The following AP2A2 variants were observed in gnomAD, a reference collection of about 807,000 sequenced individuals.
The protein encoded by AP2A2 is adaptor related protein complex 2 subunit alpha 2.
A neutral mutation model predicts 104.2 loss-of-function variants in AP2A2; 32 were observed. The ratio of observed to expected loss-of-function variants is 0.31; its 90% CI spans 0.23 to 0.41. AP2A2 has a LOEUF of 0.41. AP2A2 is among the 10% of genes least tolerant of loss of function. The probability of loss-of-function intolerance (pLI) is 1.00; values close to 1 mark genes in which losing one functional copy is unlikely to be tolerated. For missense variants in AP2A2, 912 were observed against 1,261.0 expected, an observed-to-expected ratio of 0.72 and a Z score of 4.19; for synonymous variants, 539 against 533.3, an observed-to-expected ratio of 1.01 and a Z score of -0.15.
chr11:979,503 C>G (rs968228373), intron 5 of AP2A2, among the ~76,000 whole-genome samples: 2 of 152,084 alleles, frequency 1.3e-5, no homozygotes, highest in African/African-American at 4.8e-5. Context: ...TAGGTGCACC[C>G]CAGCCTGGCT....
intron 1 of AP2A2, among the ~76,000 whole-genome samples, chr11:931,899 G>A (rs1389312800): frequency 3.3e-5 from 5 of 151,470 alleles, no homozygotes; most frequent in Admixed American, 3.3e-4. Flanking sequence ...TGCCTCCTGG[G>A]TCCAAGTGAT....
intron 4 of AP2A2, among the ~76,000 whole-genome samples, chr11:974,285 G>C (rs1854939123): frequency 6.6e-6 from 1 of 151,664 alleles, no homozygotes; most frequent in Non-Finnish European, 1.5e-5. Context: ...AAGGTCACAG[G>C]CAGGGTTCTC....
intron 2 of AP2A2, among the ~76,000 whole-genome samples, chr11:959,931 C>T (rs979596725): frequency 3.9e-5 from 6 of 152,232 alleles, no homozygotes; most frequent in Non-Finnish European, 7.3e-5. Context: ...CTTCCCTGAA[C>T]ATCCTTACTT....
Position 1,001,820 on chromosome 11 carries a change from A to G in AP2A2, c.2123+1222A>G, listed in dbSNP as rs745439694. The stretch of plus-strand genomic sequence containing the variant: ...CATACGGCTGTGCTGGGAGCTGCAC[A>G]TGGCCCTTGTGCACGCCTCACATTG... On this transcript the variant is annotated intron_variant, in intron 15 of 21. Coordinates refer to ENST00000448903, the MANE Select transcript of AP2A2 (RefSeq NM_012305.4). Among the ~76,000 whole-genome samples, 10 of 152,254 alleles carry G rather than the reference A, an allele frequency of 6.6e-5. No individual in the cohort carries two copies. In the East Asian group the frequency reaches 1.7e-3, roughly 27 times the overall value.
chr11:976,893 G>C (rs573394585), intron 4 of AP2A2, among the ~76,000 whole-genome samples: 1 of 152,336 alleles, frequency 6.6e-6, no homozygotes, highest in East Asian at 1.9e-4. Context: ...AAGGTTGGCA[G>C]GGAGACCTTT....
At chr11:988,898 G>A in intron 10 of AP2A2, 1 of 638,990 alleles carries the variant, frequency 1.6e-6, no homozygotes, top group Admixed American at 2.9e-5. Context: ...CTGAGGTGGA[G>A]GCGGGAGGAT....
At chr11:964,431 TG>T (rs1200622191) in intron 2 of AP2A2, among the ~76,000 whole-genome samples, 2 of 152,078 alleles carry the variant, frequency 1.3e-5, no homozygotes, top group Non-Finnish European at 2.9e-5. Flanking sequence ...TGGCATATTC[TG>T]GGGTGGGCAG....
rs1481412372 is a variant in AP2A2, at chr11:985,554, G to A, written c.934G>A (p.Ala312Thr). 1 of 1,613,944 alleles carries A rather than the reference G, an allele frequency of 6.2e-7. No homozygotes were observed. Among genetic ancestry groups the A allele is most frequent in the Admixed American group, 1.7e-5 (1 of 60,006 alleles). ...SNAKNAVLFE[A>T]ISLIIHHDSE... ...CGCGAAGAATGCCGTGCTCTTCGAGGCCATCAGCTTAATCATTCACCATGA... is the reference window on the plus strand; with the variant it reads ...CGCGAAGAATGCCGTGCTCTTCGAGACCATCAGCTTAATCATTCACCATGA... The change falls in exon 8 of 22, where the codon GCC (alanine) becomes ACC (threonine). Residue 312 changes from alanine (A) to threonine (T), a missense_variant. Transcript: ENST00000448903.
At position 981,245 on chromosome 11, in the gene AP2A2, G is replaced by T; in HGVS notation, c.651G>T (p.Lys217Asn). Residue 217 changes from lysine to asparagine, a missense_variant, in exon 6 of 22, where the codon AAG becomes AAT. Around this residue, in one of 7 missense-constraint regions of AP2A2, gnomAD observed 350 missense variants for 487.0 expected, o/e 0.72. Coordinates refer to ENST00000448903, the MANE Select transcript of AP2A2 (RefSeq NM_012305.4). ...ATSLITTLAQ[K>N]NPEEFKTSVS... ...GTCTGATCACCACTTTAGCACAGAA[G>T]AACCCAGAAGAGTTTAAAACCTCCG... 1 of 1,613,706 alleles carries T rather than the reference G, an allele frequency of 6.2e-7. No homozygotes were observed. Among genetic ancestry groups the T allele is most frequent in the Non-Finnish European group, 8.5e-7 (1 of 1,179,782 alleles).
chr11:973,609 C>CA (rs1402544942), intron 4 of AP2A2, among the ~76,000 whole-genome samples: 1 of 151,766 alleles, frequency 6.6e-6, no homozygotes, highest in African/African-American at 2.4e-5. Context: ...TCATAGGTGG[C>CA]AGAGCATGTG....
At position 927,956 on chromosome 11, in the gene AP2A2, G is replaced by A. The variant is rs1853172495; in HGVS notation, c.67+1868G>A. Among the ~76,000 whole-genome samples, 3 of 152,014 alleles carry A rather than the reference G, an allele frequency of 2.0e-5. No individual in the cohort carries two copies. The South Asian group carries it at 6.2e-4, about 31-fold the overall frequency. On this transcript the variant is annotated intron_variant, in intron 1 of 21. Coordinates refer to ENST00000448903, the MANE Select transcript of AP2A2 (RefSeq NM_012305.4). ...ACTAAGTGTGTGTATTATTTCTTAA[G>A]GGGACCTCTGGGACAAAGACTGAGT...
chr11:1,006,449 G>T, intron 16 of AP2A2, 79 bp from the exon 17 acceptor site: 3 of 971,076 alleles, frequency 3.1e-6, no homozygotes, highest in Non-Finnish European at 4.8e-6. Flanking sequence ...AGATTGTGGG[G>T]GGCTCTTGTT....
At chr11:1,004,084 T>C (rs959477530) in intron 16 of AP2A2, among the ~76,000 whole-genome samples, 5 of 151,908 alleles carry the variant, frequency 3.3e-5, no homozygotes, top group Non-Finnish European at 7.4e-5. Context: ...ACAGGAATGC[T>C]CAATAAGCAC....
rs542360220 is a variant in AP2A2, at chr11:964,641, C to G, written c.136+5136C>G. 2.6e-5 allele frequency among the ~76,000 whole-genome samples: 4 copies of G among 152,268 alleles called. No homozygotes were observed. In the South Asian group the frequency reaches 8.3e-4, roughly 32 times the overall value. Reference sequence around the variant, plus strand: ...TGCTACATGGTCAATGCCACAGTCTCACTTTTCCTATTTTTTTTTAATAAA... The same window carrying G: ...TGCTACATGGTCAATGCCACAGTCTGACTTTTCCTATTTTTTTTTAATAAA... On this transcript the variant is annotated intron_variant, in intron 2 of 21. Coordinates refer to ENST00000448903, the MANE Select transcript of AP2A2 (RefSeq NM_012305.4).
rs558375021 is a variant in AP2A2 at position 1,008,681 on chromosome 11, GA to G, written c.2421-418del. 7.8e-5 allele frequency: 18 copies of G among 230,188 alleles called. No individual in the cohort carries two copies. In the South Asian group the frequency reaches 1.8e-3, roughly 23 times the overall value. The allele number at this position is 230,188 out of a possible 1,614,324, so 14.3% of individuals were successfully genotyped here. On this transcript the variant is annotated intron_variant, in intron 18 of 21. Transcript: ENST00000448903. Reference sequence around the variant, plus strand: ...GGGTGTCTGCAAGGTTAGGAATGTTGAGAAAAGCACACTTTCTAACATTAAA... The same window carrying G: ...GGGTGTCTGCAAGGTTAGGAATGTTGGAAAAGCACACTTTCTAACATTAAA...
In AP2A2 at chr11:933,425, G is replaced by A. The variant is rs1336830706; in HGVS notation, c.67+7337G>A. 6 of 427,716 alleles carry A rather than the reference G, an allele frequency of 1.4e-5. No individual in the cohort carries two copies. In the Admixed American group the frequency reaches 1.5e-4, roughly 11 times the overall value. The allele number at this position is 427,716 out of a possible 1,614,324, so 26.5% of individuals were successfully genotyped here. On this transcript the variant is annotated intron_variant, in intron 1 of 21. Coordinates refer to ENST00000448903, the MANE Select transcript of AP2A2 (RefSeq NM_012305.4). Reference sequence around the variant, plus strand: ...GCTTGAAAGCTGAGCTGGTTGAAACGTCTTGAAAAGCAGTATGTGCAGTTT... The same window carrying A: ...GCTTGAAAGCTGAGCTGGTTGAAACATCTTGAAAAGCAGTATGTGCAGTTT...
Position 984,731 on chromosome 11 carries a change from G to A in AP2A2, c.792G>A (p.Leu264=). 6.2e-7 allele frequency: 1 copy of A among 1,612,306 alleles called. No individual in the cohort carries two copies. Among genetic ancestry groups the A allele is most frequent in the African/African-American group, 1.3e-5 (1 of 75,042 alleles). The stretch of plus-strand genomic sequence containing the variant: ...GGCTGTCTGTCAAACTGCTGAGACT[G>A]CTGCAGTGCTACCCACCCCCAGGTA... ...APWLSVKLLR[L]LQCYPPPDPA... is the part of the protein sequence containing the mutation. The change falls in exon 7 of 22, where the codon CTG becomes CTA. Residue 264 remains leucine, a synonymous_variant. Coordinates refer to ENST00000448903, the MANE Select transcript of AP2A2 (RefSeq NM_012305.4).
Position 972,226 on chromosome 11 carries a change from C to G in AP2A2, c.444C>G (p.Ala148=). ...GCCGGGAGATGGCCGAGGCCTTCGC[C>G]GGGGAGATCCCTAAGGTCCTCGTAG... ...VGSREMAEAF[A]GEIPKVLVAG... The change falls in exon 4 of 22, where the codon GCC becomes GCG. Residue 148 remains alanine (A), a synonymous_variant. Coordinates refer to ENST00000448903, the MANE Select transcript of AP2A2 (RefSeq NM_012305.4). 2 of 1,607,074 alleles carry G rather than the reference C, an allele frequency of 1.2e-6. No individual in the cohort carries two copies. Among genetic ancestry groups the G allele is most frequent in the Non-Finnish European group, 1.7e-6 (2 of 1,178,744 alleles).
At chr11:928,951 C>T (rs1370900360) in intron 1 of AP2A2, among the ~76,000 whole-genome samples, 1 of 152,150 alleles carries the variant, frequency 6.6e-6, no homozygotes, top group Non-Finnish European at 1.5e-5. Context: ...GGTGCGCACC[C>T]TATCTTGCTC....
Sources: gnomAD v4.1 joint callset for allele counts (sites outside exome capture counted in the v4.1 genomes callset) on GRCh38, gnomAD v4.1.1 for gene constraint, gnomAD v4.1.1 regional missense constraint, MANE v1.5 for transcripts, NCBI Gene and HGNC (gene_info 2026-07-23, HGNC 2026-07-21) for gene names.